The following SLC45A3 variants were observed in gnomAD, a reference collection of about 807,000 sequenced individuals.
SLC45A3 encodes solute carrier family 45 member 3, also known as prostate cancer associated protein 2.
In SLC45A3, 17 loss-of-function variants were observed where a neutral mutation model predicts 35.3. That is an observed-to-expected ratio of 0.48 (90% CI 0.33 to 0.72). The LOEUF is 0.72. SLC45A3 is among the 30% of genes least tolerant of loss of function. The pLI is 0.02. For missense variants in SLC45A3, 597 were observed against 731.7 expected, an observed-to-expected ratio of 0.82 and a Z score of 2.12; for synonymous variants, 288 against 334.3, an observed-to-expected ratio of 0.86 and a Z score of 1.51.
Position 205,663,735 on chromosome 1 carries a change from G to A in SLC45A3, c.173-117C>T, listed in dbSNP as rs566404063. On this transcript the variant is annotated intron_variant, in intron 2 of 4. Coordinates refer to ENST00000367145, the MANE Select transcript of SLC45A3 (RefSeq NM_033102.3). ...CATTCCGTACTCGACACTGTGCTAC[G>A]TCTTCACAGGGATGCTGTAATTTAC... 3.6e-5 allele frequency: 37 copies of A among 1,029,436 alleles called. No individual in the cohort carries two copies. In the South Asian group the frequency reaches 3.8e-4, roughly 10 times the overall value. The allele number at this position is 1,029,436 out of a possible 1,614,324, so 63.8% of individuals were successfully genotyped here.
At chr1:205,677,206 T>C (rs1477184793) in intron 1 of SLC45A3, among the ~76,000 whole-genome samples, 1 of 152,170 alleles carries the variant, frequency 6.6e-6, no homozygotes. Context: ...ACTAATTAAA[T>C]AGAAGTCACA....
At chr1:205,670,824 C>T (rs185507652) in intron 1 of SLC45A3, among the ~76,000 whole-genome samples, 115 of 152,334 alleles carry the variant, frequency 7.5e-4, no homozygotes, top group East Asian at 4.6e-3. Context: ...CCACCCCCTC[C>T]GGCTCCTGAG....
Position 205,663,027 on chromosome 1 carries a change from G to A in SLC45A3, c.764C>T (p.Ala255Val), listed in dbSNP as rs142713511. 218 of 1,610,386 alleles carry A rather than the reference G, an allele frequency of 1.4e-4. 1 individual carries two copies. The Middle Eastern group carries it at 1.5e-3, about 11-fold the overall frequency. Residue 255 changes from alanine (A) to valine (V), a missense_variant, in exon 3 of 5, where the codon GCC (alanine) becomes GTC (valine). Physicochemically the swap from Ala to Val is moderately conservative, Grantham distance 64. Coordinates refer to ENST00000367145, the MANE Select transcript of SLC45A3 (RefSeq NM_033102.3). Reference sequence around the variant, plus strand: ...CAGCTGGTGCAGCCGGGGAAGCAGGGCGCCCAGGTTCCGGAAAGCCAAGCG... The same window carrying A: ...CAGCTGGTGCAGCCGGGGAAGCAGGACGCCCAGGTTCCGGAAAGCCAAGCG... ...RARLAFRNLGALLPRLHQLCC... is the reference protein window; with the variant it reads ...RARLAFRNLGVLLPRLHQLCC...
chr1:205,658,997 AC>A lies in SLC45A3; in HGVS notation c.*236del, dbSNP rs1045677507. On this transcript the variant is annotated 3_prime_UTR_variant, in exon 5 of 5. Transcript: ENST00000367145. ...CCTCCCTGTATAAGTCCAGACTGAAACCCCCTTGGAAGGCCTCCAGTCAGGC... is the reference window on the plus strand; with the variant it reads ...CCTCCCTGTATAAGTCCAGACTGAAACCCCTTGGAAGGCCTCCAGTCAGGC... 6.7e-5 allele frequency: 36 copies of A among 540,704 alleles called. 1 individual carries two copies. The African/African-American group carries it at 6.8e-4, about 10-fold the overall frequency. The allele number at this position is 540,704 out of a possible 1,614,324, so 33.5% of individuals were successfully genotyped here. A position where few individuals can be genotyped will look rare whatever the true frequency, so the allele number is the denominator to read the frequency against.
At position 205,664,598 on chromosome 1, in the gene SLC45A3, A is replaced by G; in HGVS notation, c.59T>C (p.Leu20Pro). The G allele has an allele frequency of 6.2e-7, 1 of 1,614,264 alleles. No individual in the cohort carries two copies. Among genetic ancestry groups the G allele is most frequent in the Non-Finnish European group, 8.5e-7 (1 of 1,180,044 alleles). Residue 20 changes from leucine to proline, a missense_variant, in exon 2 of 5, where the codon CTG (leucine) becomes CCG (proline). Leu to Pro is a moderately conservative substitution (Grantham distance 98). Around this residue, in one of 3 missense-constraint regions of SLC45A3, gnomAD observed 37 missense variants for 41.1 expected, o/e 0.90. Transcript: ENST00000367145. This position sits in a 1 kb window ranked among gnomAD's most constrained non-coding sequence, Gnocchi z 5.3. ...CAGGCCAAAGGTTAGCAGGTTGACC[A>G]GCAAGAGCTGGGCTTTCCGGTGCCG... ...LLRHRKAQLL[L>P]VNLLTFGLEV...
At position 205,657,915 on chromosome 1, in the gene SLC45A3, G is replaced by A. The variant is rs1362485180; in HGVS notation, c.*1319C>T. The A allele has an allele frequency of 9.4e-6, 2 of 212,568 alleles. No homozygotes were observed. Among genetic ancestry groups the A allele is most frequent in the Non-Finnish European group, 1.9e-5 (2 of 104,824 alleles). The allele number at this position is 212,568 out of a possible 1,614,324, so 13.2% of individuals were successfully genotyped here. A position where few individuals can be genotyped will look rare whatever the true frequency, so the allele number is the denominator to read the frequency against. ...ATTATACTCTGATTGCTCACTTACA[G>A]TATAAAATATTCACCCCGCTAAATA... On this transcript the variant is annotated 3_prime_UTR_variant, in exon 5 of 5. Coordinates refer to ENST00000367145, the MANE Select transcript of SLC45A3 (RefSeq NM_033102.3).
chr1:205,672,438 AAC>A (rs1392703556), intron 1 of SLC45A3, among the ~76,000 whole-genome samples: 79 of 152,332 alleles, frequency 5.2e-4, no homozygotes, highest in African/African-American at 1.9e-3. Context: ...AGGGAAAATG[AAC>A]ACAGTGGCCG....
intron 1 of SLC45A3, among the ~76,000 whole-genome samples, chr1:205,665,916 T>G (rs1035903428): frequency 6.6e-6 from 1 of 152,158 alleles, no homozygotes; most frequent in Non-Finnish European, 1.5e-5. Flanking sequence ...GTGCGGTGGC[T>G]CATGCTTGTA....
Position 205,669,753 on chromosome 1 carries a change from A to G in SLC45A3, c.-230-4867T>C, listed in dbSNP as rs1290362188. Among the ~76,000 whole-genome samples, 1 of 152,100 alleles carries G rather than the reference A, an allele frequency of 6.6e-6. No homozygotes were observed. Among genetic ancestry groups the G allele is most frequent in the Non-Finnish European group, 1.5e-5 (1 of 68,006 alleles). The stretch of plus-strand genomic sequence containing the variant: ...AGCGGCTCCTCTCCCCTTCACAGCC[A>G]CCCCGCAGCCCTCCCCACAGAAGGG... On this transcript the variant is annotated intron_variant, in intron 1 of 4. Coordinates refer to ENST00000367145, the MANE Select transcript of SLC45A3 (RefSeq NM_033102.3). This position sits in a 1 kb window ranked among gnomAD's most constrained non-coding sequence, Gnocchi z 4.1.
intron 1 of SLC45A3, among the ~76,000 whole-genome samples, chr1:205,679,616 G>A (rs1303619869): frequency 6.6e-6 from 1 of 151,922 alleles, no homozygotes; most frequent in Non-Finnish European, 1.5e-5. Flanking sequence ...AGACCTGGGA[G>A]GCGAGGAGAA....
rs1671031516 is a variant in SLC45A3, at chr1:205,661,950, T to C, written c.1135A>G (p.Thr379Ala). 6.2e-7 allele frequency: 1 copy of C among 1,613,982 alleles called. No homozygotes were observed. The highest frequency in any genetic ancestry group is 1.7e-5 in the Admixed American group (1 of 59,992). The change falls in exon 4 of 5, where the codon ACA becomes GCA. Residue 379 changes from threonine to alanine, a missense_variant. Transcript: ENST00000367145. ...TCLSHSVAVV[T>A]ASAALTGFTF... is the part of the protein sequence containing the mutation. ...AACCCGGTGAGGGCGGCTGAAGCTG[T>C]CACCACGGCCACACTGTGGGACAGG... is the stretch of plus-strand genomic sequence containing the variant.
At chr1:205,676,118 C>T (rs575443106) in intron 1 of SLC45A3, among the ~76,000 whole-genome samples, 4 of 152,292 alleles carry the variant, frequency 2.6e-5, no homozygotes, top group African/African-American at 4.8e-5. Flanking sequence ...CTGGGTGCTC[C>T]GCTCACTAAG....
chr1:205,662,627 C>G lies in SLC45A3; in HGVS notation c.958+206G>C. ...CTGGGGCAACGACTCTGATCAGACT[C>G]CTAGAGCAGCCAGAGGCCTTCCTGA... is the stretch of plus-strand genomic sequence containing the variant. On this transcript the variant is annotated intron_variant, in intron 3 of 4. Coordinates refer to ENST00000367145, the MANE Select transcript of SLC45A3 (RefSeq NM_033102.3). This position sits in a 1 kb window ranked among gnomAD's most constrained non-coding sequence, Gnocchi z 6.2. 7.2e-7 allele frequency: 1 copy of G among 1,380,696 alleles called. No homozygotes were observed. The highest frequency in any genetic ancestry group is 1.5e-5 in the African/African-American group (1 of 68,814). 85.5% of individuals were successfully genotyped at this position (1,380,696 alleles called of 1,614,324 possible).
Position 205,659,618 on chromosome 1 carries a change from GC to G in SLC45A3, c.1277del (p.Ser426ThrfsTer2). ...GDTGGASSED[S>X]LMTSFLPGPK... The stretch of plus-strand genomic sequence containing the variant: ...GGCCTGGCAGGAAGCTGGTCATCAG[GC>G]TGTCCTCACTGCTAGCACCTCCAGT... On this transcript the variant is annotated frameshift_variant, in exon 5 of 5. Coordinates refer to ENST00000367145, the MANE Select transcript of SLC45A3 (RefSeq NM_033102.3). LOFTEE classifies it high-confidence loss of function. This position sits in a 1 kb window ranked among gnomAD's most constrained non-coding sequence, Gnocchi z 5.8. 1 of 1,554,414 alleles carries G rather than the reference GC, an allele frequency of 6.4e-7. No individual in the cohort carries two copies. The highest frequency in any genetic ancestry group is 1.7e-4 in the Middle Eastern group (1 of 5,724).
intron 1 of SLC45A3, among the ~76,000 whole-genome samples, chr1:205,668,212 C>T (rs1671149612): frequency 6.6e-6 from 1 of 152,130 alleles, no homozygotes; most frequent in Admixed American, 6.5e-5. Flanking sequence ...TCCTTGCATG[C>T]TTTCCAGTGC....
rs577738724 is a variant in SLC45A3 at position 205,659,258 on chromosome 1, G to A, written c.1638C>T (p.Ser546=). Residue 546 remains serine, a synonymous_variant, in exon 5 of 5, where the codon AGC becomes AGT. Coordinates refer to ENST00000367145, the MANE Select transcript of SLC45A3 (RefSeq NM_033102.3). This position sits in a 1 kb window ranked among gnomAD's most constrained non-coding sequence, Gnocchi z 5.8. ...YFATQVVFDK[S]DLAKYSA ...TCTACGCTGAGTATTTGGCCAAGTC[G>A]CTCTTGTCAAATACTACCTGTGTAG... 96 of 1,612,940 alleles carry A rather than the reference G, an allele frequency of 6.0e-5. 1 individual carries two copies. The highest frequency in any genetic ancestry group is 1.7e-4 in the Middle Eastern group (1 of 6,056).
chr1:205,672,123 C>T (rs1349433143), intron 1 of SLC45A3, among the ~76,000 whole-genome samples: 1 of 152,102 alleles, frequency 6.6e-6, no homozygotes, highest in Non-Finnish European at 1.5e-5. Context: ...TGGTCGCCTC[C>T]TCAGTGGAGG....
chr1:205,664,783 G>A lies in SLC45A3; in HGVS notation c.-127C>T, dbSNP rs1365787166. On this transcript the variant is annotated 5_prime_UTR_variant, in exon 2 of 5. Coordinates refer to ENST00000367145, the MANE Select transcript of SLC45A3 (RefSeq NM_033102.3). This position sits in a 1 kb window ranked among gnomAD's most constrained non-coding sequence, Gnocchi z 5.3. Reference sequence around the variant, plus strand: ...CCAACTGCCTAGGAATCAGCCAGGCGCCCATTTCTGCCAGCCCTTTGGTGC... The same window carrying A: ...CCAACTGCCTAGGAATCAGCCAGGCACCCATTTCTGCCAGCCCTTTGGTGC... The A allele has an allele frequency of 3.2e-5, 47 of 1,448,554 alleles. No homozygotes were observed. The highest frequency in any genetic ancestry group is 3.7e-5 in the Non-Finnish European group (41 of 1,106,108). 89.7% of individuals were successfully genotyped at this position (1,448,554 alleles called of 1,614,324 possible).
rs1405056448 is a variant in SLC45A3, at chr1:205,662,028, C to T, written c.1057G>A (p.Ala353Thr). The T allele has an allele frequency of 6.2e-7, 1 of 1,614,088 alleles. No individual in the cohort carries two copies. The highest frequency in any genetic ancestry group is 1.3e-5 in the African/African-American group (1 of 75,060). Residue 353 changes from alanine to threonine, a missense_variant, in exon 4 of 5, where the codon GCA becomes ACA. Physicochemically the swap from Ala to Thr is moderately conservative, Grantham distance 58. Around this residue, in one of 3 missense-constraint regions of SLC45A3, gnomAD observed 555 missense variants for 664.9 expected, o/e 0.83. Coordinates refer to ENST00000367145, the MANE Select transcript of SLC45A3 (RefSeq NM_033102.3). The surrounding 1 kb of genome is among the most constrained non-coding windows in gnomAD (Gnocchi z 6.2). Reference protein sequence around the residue: ...DRLVQRFGTRAVYLASVAAFP... With the variant: ...DRLVQRFGTRTVYLASVAAFP... The stretch of plus-strand genomic sequence containing the variant: ...GCTGCCACACTGGCCAAATAGACTG[C>T]TCGAGTGCCGAATCGCTGCACCAGC...
Sources: allele counts gnomAD v4.1 joint callset (sites outside exome capture counted in the v4.1 genomes callset), GRCh38; gene constraint gnomAD v4.1.1; regional missense constraint gnomAD v4.1.1; non-coding constraint Gnocchi (gnomAD v3.1); transcripts MANE v1.5; gene names NCBI Gene and HGNC (gene_info 2026-07-23, HGNC 2026-07-21).